The following TMEM132D variants were observed in gnomAD, a reference collection of about 807,000 sequenced individuals.
TMEM132D encodes the protein mature OL transmembrane protein.
In TMEM132D, 21 loss-of-function variants were observed where a neutral mutation model predicts 62.3. That is an observed-to-expected ratio of 0.34 (90% CI 0.24 to 0.49). TMEM132D has a LOEUF of 0.49. Among genes scored for constraint, TMEM132D ranks in the 20% least tolerant of loss-of-function variants. TMEM132D has a pLI of 0.99. For missense variants in TMEM132D, 1,346 were observed against 1,402.8 expected (o/e 0.96, Z 0.65); for synonymous variants, 621 against 575.6 (o/e 1.08, Z -1.13).
At chr12:129,617,993 C>T (rs778686850) in intron 2 of TMEM132D, among the ~76,000 whole-genome samples, 34 of 152,158 alleles carry the variant, frequency 2.2e-4, no homozygotes, top group African/African-American at 2.4e-5. Context: ...GCCTCGACAT[C>T]GGCACTTCAC....
At chr12:129,743,851 A>G (rs1264346230) in intron 1 of TMEM132D, among the ~76,000 whole-genome samples, 5 of 152,232 alleles carry the variant, frequency 3.3e-5, no homozygotes, top group Admixed American at 6.5e-5. Context: ...AGCCTCTAGA[A>G]GCTGAAAACA....
intron 5 of TMEM132D, among the ~76,000 whole-genome samples, chr12:129,111,921 G>T (rs372511843): frequency 6.6e-6 from 1 of 152,152 alleles, no homozygotes; most frequent in Non-Finnish European, 1.5e-5. Context: ...TGGCACGGAG[G>T]TCTTGACCAG....
chr12:129,464,978 C>A (rs10773667), intron 3 of TMEM132D, among the ~76,000 whole-genome samples: 1 of 99,298 alleles, frequency 1.0e-5, no homozygotes, highest in Admixed American at 1.0e-4. Flanking sequence ...TCCATATGAA[C>A]TTTAAAGTAG....
At chr12:129,815,363 TAATA>T (rs1440843458) in intron 1 of TMEM132D, among the ~76,000 whole-genome samples, 1 of 152,140 alleles carries the variant, frequency 6.6e-6, no homozygotes, top group South Asian at 2.1e-4. Flanking sequence ...TTAAGCAACA[TAATA>T]AATAAGTAAT....
intron 2 of TMEM132D, among the ~76,000 whole-genome samples, 181 bp from the exon 3 acceptor site, chr12:129,531,386 G>A (rs867591376): frequency 2.6e-5 from 4 of 152,186 alleles, no homozygotes; most frequent in South Asian, 2.1e-4. Context: ...ATTTCTTTCC[G>A]TTTTTCCTAC....
At chr12:129,766,598 G>C (rs1287152197) in intron 1 of TMEM132D, among the ~76,000 whole-genome samples, 1 of 152,168 alleles carries the variant, frequency 6.6e-6, no homozygotes, top group African/African-American at 2.4e-5. Flanking sequence ...TCCTGAGGGA[G>C]AGCTATCTTC....
intron 2 of TMEM132D, among the ~76,000 whole-genome samples, chr12:129,623,698 T>TATATACATAC (rs139764315): frequency 0.33 from 46,764 of 143,346 alleles, 7,913 homozygotes; most frequent in South Asian, 0.42. Flanking sequence ...TATATACATA[T>TATATACATAC]ATATACATAC....
chr12:129,575,742 G>T, intron 2 of TMEM132D, among the ~76,000 whole-genome samples: 1 of 144,564 alleles, frequency 6.9e-6, no homozygotes, highest in Non-Finnish European at 1.5e-5. Flanking sequence ...AATTATGTCT[G>T]CAGATAGATA....
intron 3 of TMEM132D, among the ~76,000 whole-genome samples, chr12:129,501,695 G>A (rs1445596234): frequency 6.6e-6 from 1 of 151,798 alleles, no homozygotes; most frequent in Non-Finnish European, 1.5e-5. Context: ...TTGTAGAGAT[G>A]GGGTTTTACC....
chr12:129,729,941 T>A (rs1869172995), intron 1 of TMEM132D, among the ~76,000 whole-genome samples: 1 of 152,182 alleles, frequency 6.6e-6, no homozygotes, highest in African/African-American at 2.4e-5. Flanking sequence ...CCCTTGTGAA[T>A]GTACTTTGTA....
intron 1 of TMEM132D, among the ~76,000 whole-genome samples, chr12:129,877,352 C>T (rs1874449363): frequency 6.6e-6 from 1 of 152,030 alleles, no homozygotes; most frequent in African/African-American, 2.4e-5. Context: ...AAATCTCAAG[C>T]ATTTCATGTA....
At chr12:129,677,846 T>TC (rs1565945853) in intron 2 of TMEM132D, among the ~76,000 whole-genome samples, 1 of 148,992 alleles carries the variant, frequency 6.7e-6, no homozygotes, top group Non-Finnish European at 1.5e-5. Flanking sequence ...TTTTTTTTTT[T>TC]CTATAGTTTT....
intron 2 of TMEM132D, among the ~76,000 whole-genome samples, chr12:129,546,734 G>A (rs936863729): frequency 2.0e-5 from 3 of 151,856 alleles, no homozygotes; most frequent in Non-Finnish European, 4.4e-5. Flanking sequence ...CCAGGAGGTG[G>A]AGGTTGCAGT....
intron 3 of TMEM132D, among the ~76,000 whole-genome samples, chr12:129,464,738 T>C (rs1204093545): frequency 5.3e-5 from 8 of 152,294 alleles, no homozygotes; most frequent in Non-Finnish European, 1.0e-4. Context: ...AATCCTTTCC[T>C]CATTGCTTGT....
intron 5 of TMEM132D, among the ~76,000 whole-genome samples, chr12:129,148,334 G>A (rs1050155260): frequency 2.6e-5 from 4 of 152,138 alleles, no homozygotes; most frequent in African/African-American, 9.7e-5. Context: ...ATGGCAGAGG[G>A]GACTCTGTAG....
chr12:129,075,137 C>CAACG, intron 8 of TMEM132D, 78 bp from the exon 9 acceptor site: 1 of 1,180,980 alleles, frequency 8.5e-7, no homozygotes. Context: ...AGTAGACACA[C>CAACG]AACGGCAAAA....
chr12:129,645,851 C>T (rs1183694257), intron 2 of TMEM132D, among the ~76,000 whole-genome samples: 1 of 152,112 alleles, frequency 6.6e-6, no homozygotes, highest in East Asian at 1.9e-4. Context: ...CCCACTAGTG[C>T]CAGGACAGTT....
chr12:129,383,858 C>T (rs1871026468), intron 3 of TMEM132D, among the ~76,000 whole-genome samples: 1 of 152,196 alleles, frequency 6.6e-6, no homozygotes, highest in Non-Finnish European at 1.5e-5. Flanking sequence ...GGTCCCAAAT[C>T]CCAGAGAGCC....
chr12:129,073,818 C>T lies in TMEM132D; in HGVS notation c.*57G>A. The stretch of plus-strand genomic sequence containing the variant: ...CTCTTCCGGGGGCACCGTTGCTACA[C>T]ATCCTGGAATTAAAGGCTGAAAGGT... On this transcript the variant is annotated 3_prime_UTR_variant, in exon 9 of 9. Transcript: ENST00000422113. The T allele has an allele frequency of 7.0e-7, 1 of 1,433,570 alleles. No homozygotes were observed. Among genetic ancestry groups the T allele is most frequent in the Non-Finnish European group, 9.4e-7 (1 of 1,060,070 alleles). The allele number at this position is 1,433,570 out of a possible 1,614,324, so 88.8% of individuals were successfully genotyped here. A position where few individuals can be genotyped will look rare whatever the true frequency, so the allele number is the denominator to read the frequency against.
Sources: allele counts gnomAD v4.1 joint callset (sites outside exome capture counted in the v4.1 genomes callset), GRCh38; gene constraint gnomAD v4.1.1; transcripts MANE v1.5; gene names NCBI Gene and HGNC (gene_info 2026-07-23, HGNC 2026-07-21).